CSMD3: variants seen among roughly 807,000 people sequenced by gnomAD.
The protein encoded by CSMD3 is CUB and Sushi multiple domains 3, also known as CUB and sushi domain-containing protein 3.
CSMD3 carries 177 observed loss-of-function variants against 435.2 expected under a neutral mutation model. The ratio of observed to expected loss-of-function variants is 0.41; its 90% CI spans 0.36 to 0.46. The LOEUF (loss-of-function observed/expected upper bound fraction) is 0.46. CSMD3 is among the 20% of genes least tolerant of loss of function. CSMD3 has a pLI of 0.34. For synonymous variants in CSMD3, 1,656 were observed against 1,520.5 expected (o/e 1.09, Z -2.07); for missense variants, 4,265 against 4,504.6 (o/e 0.95, Z 1.52).
intron 20 of CSMD3, among the ~76,000 whole-genome samples, chr8:112,640,064 A>G (rs2074780202): frequency 1.3e-5 from 2 of 152,094 alleles, no homozygotes; most frequent in Non-Finnish European, 2.9e-5. Flanking sequence ...TATCTTCTCC[A>G]ATACTTGAAA....
At position 112,543,180 on chromosome 8, in the gene CSMD3, A is replaced by G. The variant is rs537305833; in HGVS notation, c.4564+7491T>C. ...AATAAAAAAAAGAGAAGAAAGCTTT[A>G]TAACGTTGGTATTCACAATGATTTC... On this transcript the variant is annotated intron_variant, in intron 27 of 70. Transcript: ENST00000297405. Among the ~76,000 whole-genome samples, 10 of 152,134 alleles carry G rather than the reference A, an allele frequency of 6.6e-5. No individual in the cohort carries two copies. The South Asian group carries it at 1.9e-3, about 28-fold the overall frequency.
intron 4 of CSMD3, among the ~76,000 whole-genome samples, chr8:113,099,517 G>T (rs1334453202): frequency 6.6e-6 from 1 of 151,990 alleles, no homozygotes; most frequent in Non-Finnish European, 1.5e-5. Flanking sequence ...AGGATATTTT[G>T]TTTACAGAGA....
chr8:112,604,238 G>T (rs1161289874), intron 22 of CSMD3, among the ~76,000 whole-genome samples: 1 of 152,126 alleles, frequency 6.6e-6, no homozygotes, highest in African/African-American at 2.4e-5. Context: ...AGAGTTTGAA[G>T]CCAGGTAGTG....
rs962730188 is a variant in CSMD3, at chr8:113,046,394, A to G, written c.918-27215T>C. ...CAACAATAACAAAACAAAATAAAAA[A>G]ACGCCTTATTTGTGCCCTGAGTCTT... is the stretch of plus-strand genomic sequence containing the variant. On this transcript the variant is annotated intron_variant, in intron 5 of 70. Transcript: ENST00000297405. Among the ~76,000 whole-genome samples, 8 of 149,680 alleles carry G rather than the reference A, an allele frequency of 5.3e-5. 1 individual carries two copies. Among genetic ancestry groups the G allele is most frequent in the Non-Finnish European group, 1.5e-5 (1 of 66,478 alleles).
chr8:112,840,979 A>T (rs921971652), intron 11 of CSMD3, among the ~76,000 whole-genome samples: 7 of 151,668 alleles, frequency 4.6e-5, no homozygotes, highest in African/African-American at 1.7e-4. Context: ...AAATTTAAAA[A>T]ATATATAATA....
chr8:112,877,235 C>G (rs776337849), intron 10 of CSMD3, among the ~76,000 whole-genome samples: 11 of 151,826 alleles, frequency 7.2e-5, no homozygotes, highest in Non-Finnish European at 1.0e-4. Flanking sequence ...CATTGACTTT[C>G]TTCACAGAAT....
chr8:113,365,229 A>C (rs1259106449), intron 1 of CSMD3, among the ~76,000 whole-genome samples: 1 of 152,084 alleles, frequency 6.6e-6, no homozygotes, highest in Non-Finnish European at 1.5e-5. Flanking sequence ...ATCAACCAAA[A>C]AAGCTGAAAA....
intron 11 of CSMD3, among the ~76,000 whole-genome samples, chr8:112,851,342 T>C (rs1408053126): frequency 1.3e-5 from 2 of 152,156 alleles, no homozygotes; most frequent in African/African-American, 2.4e-5. Context: ...AAAACTAACA[T>C]GGATTCAAGT....
intron 5 of CSMD3, among the ~76,000 whole-genome samples, chr8:113,035,442 C>G (rs945722436): frequency 6.6e-6 from 1 of 151,760 alleles, no homozygotes; most frequent in Non-Finnish European, 1.5e-5. Flanking sequence ...TGAACAAAGA[C>G]AAGACTATAC....
chr8:112,461,905 CA>C (rs146906432), intron 32 of CSMD3, among the ~76,000 whole-genome samples: 2,564 of 152,220 alleles, frequency 0.017, 21 homozygotes, highest in Non-Finnish European at 0.025. Context: ...GCAACTTTCC[CA>C]TACTTTAATT....
chr8:112,751,872 A>C (rs1472978652), intron 13 of CSMD3, among the ~76,000 whole-genome samples: 1 of 152,094 alleles, frequency 6.6e-6, no homozygotes, highest in Non-Finnish European at 1.5e-5. Context: ...GGTTTGTTAC[A>C]TAGGTAAACG....
At chr8:112,856,751 A>C (rs2080671672) in intron 11 of CSMD3, among the ~76,000 whole-genome samples, 1 of 151,890 alleles carries the variant, frequency 6.6e-6, no homozygotes, top group Non-Finnish European at 1.5e-5. Context: ...AATTGCTCAA[A>C]TATACAGGAA....
chr8:112,363,978 G>A (rs1334846421), intron 38 of CSMD3, among the ~76,000 whole-genome samples: 2 of 151,956 alleles, frequency 1.3e-5, no homozygotes, highest in African/African-American at 4.8e-5. Context: ...TAAAAATACA[G>A]TTAATCTTAA....
intron 10 of CSMD3, among the ~76,000 whole-genome samples, chr8:112,904,047 G>A (rs1158800575): frequency 2.6e-5 from 4 of 151,228 alleles, no homozygotes; most frequent in Non-Finnish European, 5.9e-5. Context: ...TTAAGAATAG[G>A]GGTCCATAAT....
At chr8:112,499,712 G>T (rs1044047086) in intron 30 of CSMD3, among the ~76,000 whole-genome samples, 13 of 152,068 alleles carry the variant, frequency 8.5e-5, no homozygotes, top group African/African-American at 3.1e-4. Context: ...GCTATACTTA[G>T]AACCAATTTA....
chr8:112,863,221 C>A (rs1028217307), intron 10 of CSMD3, among the ~76,000 whole-genome samples: 9 of 151,842 alleles, frequency 5.9e-5, no homozygotes, highest in Non-Finnish European at 1.0e-4. Context: ...TCAGTGTCTT[C>A]TTTTAGATCT....
In CSMD3 at chr8:113,045,629, T is replaced by C. The variant is rs1008681546; in HGVS notation, c.918-26450A>G. On this transcript the variant is annotated intron_variant, in intron 5 of 70. Transcript: ENST00000297405. Reference sequence around the variant, plus strand: ...TCTTAAAAATTCATATGCTATACCATGAAGACTTCTTCTAGCACCTGAACT... The same window carrying C: ...TCTTAAAAATTCATATGCTATACCACGAAGACTTCTTCTAGCACCTGAACT... Among the ~76,000 whole-genome samples the C allele has an allele frequency of 2.0e-5, 3 of 149,544 alleles. 1 individual carries two copies. Among genetic ancestry groups the C allele is most frequent in the Non-Finnish European group, 4.5e-5 (3 of 66,486 alleles).
intron 2 of CSMD3, among the ~76,000 whole-genome samples, chr8:113,284,810 T>C (rs2093634693): frequency 6.6e-6 from 1 of 152,200 alleles, no homozygotes; most frequent in Admixed American, 6.5e-5. Flanking sequence ...ACATTATCAG[T>C]TATATTCCCT....
At chr8:113,087,370 A>G (rs2089829889) in intron 5 of CSMD3, among the ~76,000 whole-genome samples, 1 of 151,906 alleles carries the variant, frequency 6.6e-6, no homozygotes, top group African/African-American at 2.4e-5. Context: ...TAAAGTTCAT[A>G]TGGAACCAAA....
Sources: gnomAD v4.1 joint callset for allele counts (sites outside exome capture counted in the v4.1 genomes callset) on GRCh38, gnomAD v4.1.1 for gene constraint, MANE v1.5 for transcripts, NCBI Gene and HGNC (gene_info 2026-07-23, HGNC 2026-07-21) for gene names.